DACH2: variants seen among roughly 807,000 people sequenced by gnomAD.
DACH2 encodes dachshund family transcription factor 2.
Under a neutral mutation model 35.8 loss-of-function variants are expected in DACH2, and 17 were observed. The observed-to-expected ratio is 0.48, with a 90% CI of 0.33 to 0.71. The LOEUF is 0.71. Among genes scored for constraint, DACH2 ranks in the 30% least tolerant of loss-of-function variants. The pLI, the probability that DACH2 is intolerant of heterozygous loss-of-function variation, is 0.02. For missense variants in DACH2, 469 were observed against 472.7 expected (o/e 0.99, Z 0.07); for synonymous variants, 195 against 177.3 (o/e 1.10, Z -0.79).
chrX:86,587,441 A>G (rs765952608), intron 3 of DACH2, among the ~76,000 whole-genome samples: 4 of 111,373 alleles, frequency 3.6e-5, no homozygotes, highest in South Asian at 3.7e-4. Context: ...TAGGAATTCC[A>G]GTACTATGTT....
At chrX:86,570,064 G>T (rs2039345670) in intron 3 of DACH2, among the ~76,000 whole-genome samples, 2 of 111,467 alleles carry the variant, frequency 1.8e-5, no homozygotes. Flanking sequence ...AGTCAGAATG[G>T]CAATTATAAA....
intron 1 of DACH2, among the ~76,000 whole-genome samples, chrX:86,213,330 C>T (rs2032491306): frequency 1.8e-5 from 2 of 111,188 alleles, no homozygotes; most frequent in South Asian, 7.5e-4. Flanking sequence ...CCCAATAGTA[C>T]TGCTTCTGCT....
intron 1 of DACH2, among the ~76,000 whole-genome samples, chrX:86,291,750 C>T (rs1014653158): frequency 1.1e-4 from 8 of 73,174 alleles, no homozygotes; most frequent in African/African-American, 1.9e-4. Context: ...CATATTGAAC[C>T]AGCCTTGCAT....
At chrX:86,212,614 G>A (rs1369360534) in intron 1 of DACH2, among the ~76,000 whole-genome samples, 1 of 110,775 alleles carries the variant, frequency 9.0e-6, no homozygotes, top group Non-Finnish European at 1.9e-5. Context: ...CTGTATTGTG[G>A]TTTTATATTT....
chrX:86,549,538 C>A (rs1370975230), intron 3 of DACH2, among the ~76,000 whole-genome samples: 2 of 108,827 alleles, frequency 1.8e-5, no homozygotes, highest in Non-Finnish European at 3.8e-5. Context: ...CTTTTATATT[C>A]TTTCAGGTAT....
At chrX:86,159,238 T>C (rs2147861646) in intron 1 of DACH2, among the ~76,000 whole-genome samples, 1 of 111,758 alleles carries the variant, frequency 8.9e-6, no homozygotes, top group South Asian at 3.7e-4. Context: ...TACAATATTA[T>C]GCCAAAAATT....
At chrX:86,715,957 T>A (rs1186462063) in intron 6 of DACH2, among the ~76,000 whole-genome samples, 1 of 112,065 alleles carries the variant, frequency 8.9e-6, no homozygotes, top group East Asian at 2.8e-4. Context: ...CATTTTAAAA[T>A]CAGCTTGTAA....
intron 6 of DACH2, among the ~76,000 whole-genome samples, chrX:86,728,960 C>T (rs1359626827): frequency 8.9e-6 from 1 of 112,641 alleles, no homozygotes; most frequent in African/African-American, 3.2e-5. Context: ...GGTTGGAGCC[C>T]TTACACAGAG....
chrX:86,766,767 C>T (rs1269579336), intron 7 of DACH2, among the ~76,000 whole-genome samples: 1 of 111,715 alleles, frequency 9.0e-6, no homozygotes, highest in Non-Finnish European at 1.9e-5. Context: ...TTATATTCCT[C>T]TGTGAGTTGT....
rs763846901 is a variant in DACH2 at position 86,179,584 on chromosome X, A to C, written c.488+30476A>C. On this transcript the variant is annotated intron_variant, in intron 1 of 11. Coordinates refer to ENST00000373125, the MANE Select transcript of DACH2 (RefSeq NM_053281.3). ...TCCATATACCTGACACATGTCATCT[A>C]TTGGCAGGAAATATAATTCCTTATC... Among the ~76,000 whole-genome samples the C allele has an allele frequency of 6.6e-4, 74 of 112,050 alleles. 1 individual carries two copies. The highest frequency in any genetic ancestry group is 2.5e-3 in the Admixed American group (26 of 10,444).
At chrX:86,524,631 C>G (rs775081285) in intron 3 of DACH2, among the ~76,000 whole-genome samples, 1 of 111,901 alleles carries the variant, frequency 8.9e-6, no homozygotes, top group Non-Finnish European at 1.9e-5. Context: ...ATCTCAGTTT[C>G]CCAAACACAA....
chrX:86,465,779 T>C (rs943638466), intron 2 of DACH2, among the ~76,000 whole-genome samples: 8 of 112,341 alleles, frequency 7.1e-5, no homozygotes, highest in African/African-American at 2.6e-4. Flanking sequence ...GATAATATGT[T>C]TGTTTTGCCT....
intron 3 of DACH2, among the ~76,000 whole-genome samples, chrX:86,534,636 A>G (rs1044357764): frequency 2.9e-4 from 32 of 111,733 alleles, no homozygotes; most frequent in African/African-American, 8.4e-4. Context: ...CTCCCTTTCT[A>G]TTGCTGAATG....
intron 7 of DACH2, 45 bp downstream of exon 7, chrX:86,739,927 G>A (rs751266813): frequency 8.9e-7 from 1 of 1,124,514 alleles, no homozygotes. Flanking sequence ...CATTGTTTCT[G>A]GAAATTAGTT....
chrX:86,160,171 T>C lies in DACH2; in HGVS notation c.488+11063T>C, dbSNP rs1382524085. 9 of 1,002,195 alleles carry C rather than the reference T, an allele frequency of 9.0e-6. No individual in the cohort carries two copies. In the East Asian group the frequency reaches 1.6e-4, roughly 17 times the overall value. The allele number at this position is 1,002,195 out of a possible 1,213,427, so 82.6% of individuals were successfully genotyped here. ...TTAAATGGCCCATTGAAACAAACAG[T>C]TCAAAGATTCTTCTTCCACCACTGA... On this transcript the variant is annotated intron_variant, in intron 1 of 11. Coordinates refer to ENST00000373125, the MANE Select transcript of DACH2 (RefSeq NM_053281.3).
chrX:86,673,163 G>C (rs1352204980), intron 4 of DACH2, among the ~76,000 whole-genome samples: 1 of 109,737 alleles, frequency 9.1e-6, no homozygotes, highest in Non-Finnish European at 1.9e-5. Context: ...GTGATACCCT[G>C]TCTCTACTAA....
intron 1 of DACH2, among the ~76,000 whole-genome samples, chrX:86,318,991 C>T (rs1039082359): frequency 2.2e-4 from 25 of 112,074 alleles, no homozygotes; most frequent in Admixed American, 3.8e-4. Flanking sequence ...CATTAATTTG[C>T]TATTAATGTT....
At chrX:86,284,084 C>T (rs760691351) in intron 1 of DACH2, among the ~76,000 whole-genome samples, 23 of 111,033 alleles carry the variant, frequency 2.1e-4, no homozygotes, top group Non-Finnish European at 4.2e-4. Context: ...TTTGGATGCC[C>T]TTTATATCTT....
In DACH2 at chrX:86,478,949, A is replaced by G. The variant is rs769749288; in HGVS notation, c.528-35330A>G. Among the ~76,000 whole-genome samples the G allele has an allele frequency of 1.6e-3, 181 of 110,559 alleles. 1 individual carries two copies. Among genetic ancestry groups the G allele is most frequent in the African/African-American group, 5.7e-3 (172 of 30,385 alleles). On this transcript the variant is annotated intron_variant, in intron 2 of 11. Transcript: ENST00000373125. ...TATGTCGAGTTTTTTGCCCTCATTT[A>G]CCAGAAAAATCAGATCATACGTGGG... is the stretch of plus-strand genomic sequence containing the variant.
Sources: allele counts gnomAD v4.1 joint callset (sites outside exome capture counted in the v4.1 genomes callset), GRCh38; gene constraint gnomAD v4.1.1; transcripts MANE v1.5; gene names NCBI Gene and HGNC (gene_info 2026-07-23, HGNC 2026-07-21).